Variants in MC2R observed in about 807,000 individuals in gnomAD.
MC2R encodes melanocortin 2 receptor, also known as adrenocorticotropic hormone receptor.
MC2R carries 9 observed loss-of-function variants against 9.8 expected under a neutral mutation model. The ratio of observed to expected loss-of-function variants is 0.92; its 90% CI spans 0.55 to 1.60. The LOEUF is 1.60. Ranked by LOEUF, MC2R falls within the 40% of genes most tolerant of loss-of-function variation. The pLI, the probability that MC2R is intolerant of heterozygous loss-of-function variation, is 0.00. For synonymous variants in MC2R, 185 were observed against 154.7 expected (o/e 1.20, Z -1.45); for missense variants, 370 against 389.0 (o/e 0.95, Z 0.41).
At chr18:13,903,956 C>A (rs1010523742) in intron 1 of MC2R, among the ~76,000 whole-genome samples, 4 of 151,108 alleles carry the variant, frequency 2.6e-5, no homozygotes, top group Non-Finnish European at 4.4e-5. Context: ...ATGATAACAT[C>A]CTTAAAAGAG....
In MC2R at chr18:13,884,699, A is replaced by C. The variant is rs1282448172; in HGVS notation, c.820T>G (p.Phe274Val). The change falls in exon 2 of 2, where the codon TTC becomes GTC. Residue 274 changes from phenylalanine (F) to valine (V), a missense_variant. Transcript: ENST00000327606. ...TCTGGGCTCCGGAAGGCATATATGA[A>C]GGGGTCAATGACGGCATTGCACATG... ...LIMCNAVIDPFIYAFRSPELR... is the reference protein window; with the variant it reads ...LIMCNAVIDPVIYAFRSPELR... 1 of 1,614,040 alleles carries C rather than the reference A, an allele frequency of 6.2e-7. No homozygotes were observed. Among genetic ancestry groups the C allele is most frequent in the African/African-American group, 1.3e-5 (1 of 74,910 alleles).
chr18:13,906,825 G>C (rs1238964779), intron 1 of MC2R, among the ~76,000 whole-genome samples: 1 of 152,176 alleles, frequency 6.6e-6, no homozygotes, highest in Non-Finnish European at 1.5e-5. Flanking sequence ...AACCAAAGAA[G>C]TGAAAGATCT....
At chr18:13,889,538 A>G (rs943294976) in intron 1 of MC2R, among the ~76,000 whole-genome samples, 1 of 152,284 alleles carries the variant, frequency 6.6e-6, no homozygotes, top group South Asian at 2.1e-4. Context: ...CGCACAAATC[A>G]TCGAGTTAAC....
rs57512236 is a variant in MC2R at position 13,908,706 on chromosome 18, T to TTGTGTGTG, written c.-129+6774_-129+6781dup. 1.0e-3 allele frequency among the ~76,000 whole-genome samples: 146 copies of TTGTGTGTG among 142,670 alleles called. No homozygotes were observed. The Middle Eastern group carries it at 0.017, about 17-fold the overall frequency. 93.6% of individuals were successfully genotyped at this position (142,670 alleles called of 152,430 possible). ...TGCAGTTCAACGGTGCAGGAGCTTCTTGTGTGTGTGTGTGTGTGTGTGTGT... is the reference window on the plus strand; with the variant it reads ...TGCAGTTCAACGGTGCAGGAGCTTCTTGTGTGTGTGTGTGTGTGTGTGTGTGTGTGTGT... On this transcript the variant is annotated intron_variant, in intron 1 of 1. Transcript: ENST00000327606.
intron 1 of MC2R, among the ~76,000 whole-genome samples, chr18:13,887,745 T>C (rs1045463160): frequency 6.6e-6 from 1 of 152,186 alleles, no homozygotes; most frequent in African/African-American, 2.4e-5. Flanking sequence ...GACACTGGTC[T>C]CTTCCTGCCT....
chr18:13,897,310 G>A (rs577442828), intron 1 of MC2R, among the ~76,000 whole-genome samples: 1 of 152,326 alleles, frequency 6.6e-6, no homozygotes, highest in Non-Finnish European at 1.5e-5. Flanking sequence ...CACGGAGCAA[G>A]TCTTTAGACC....
Position 13,885,204 on chromosome 18 carries a change from G to T in MC2R, c.315C>A (p.Ile105=), listed in dbSNP as rs751997978. The T allele has an allele frequency of 6.2e-6, 10 of 1,614,184 alleles. No homozygotes were observed. The highest frequency in any genetic ancestry group is 7.6e-6 in the Non-Finnish European group (9 of 1,180,020). Residue 105 remains isoleucine, a synonymous_variant, in exon 2 of 2, where the codon ATC becomes ATA. Coordinates refer to ENST00000327606, the MANE Select transcript of MC2R (RefSeq NM_000529.2). ...GGGAGAGGACAAACAGGGAGTCGAT[G>T]ATGTCATCGGCTGTGGTTTCAAAAC... ...RGSFETTADD[I]IDSLFVLSLL...
chr18:13,884,619 G>A lies in MC2R; in HGVS notation c.*6C>T. The A allele has an allele frequency of 6.2e-7, 1 of 1,611,570 alleles. No homozygotes were observed. The highest frequency in any genetic ancestry group is 1.1e-5 in the South Asian group (1 of 91,012). On this transcript the variant is annotated 3_prime_UTR_variant, in exon 2 of 2. Coordinates refer to ENST00000327606, the MANE Select transcript of MC2R (RefSeq NM_000529.2). ...CCATGGATTCTAAAACCAGGGATCAGCCATTCTACCAGTACCTGCTGCAGA... is the reference window on the plus strand; with the variant it reads ...CCATGGATTCTAAAACCAGGGATCAACCATTCTACCAGTACCTGCTGCAGA...
At chr18:13,888,180 C>G (rs969293299) in intron 1 of MC2R, among the ~76,000 whole-genome samples, 1 of 152,054 alleles carries the variant, frequency 6.6e-6, no homozygotes, top group Non-Finnish European at 1.5e-5. Context: ...GGGAGCCCAG[C>G]TTCAGTTGCT....
chr18:13,885,791 C>T (rs34092603), intron 1 of MC2R, 145 bp from the exon 2 acceptor site: 3 of 462,142 alleles, frequency 6.5e-6, no homozygotes, highest in East Asian at 4.1e-5. Context: ...ATGTTTATTG[C>T]AGCACTAGTG....
chr18:13,885,069 C>G lies in MC2R; in HGVS notation c.450G>C (p.Val150=), dbSNP rs2045266418. Reference sequence around the variant, plus strand: ...TGCAGAACGTCCAGATGACCGTAAGCACCACCACAGTGCGGCGCATGGTCA... The same window carrying G: ...TGCAGAACGTCCAGATGACCGTAAGGACCACCACAGTGCGGCGCATGGTCA... ...SIVTMRRTVV[V]LTVIWTFCTG... Residue 150 remains valine (V), a synonymous_variant, in exon 2 of 2, where the codon GTG becomes GTC. Transcript: ENST00000327606. 1 of 1,614,048 alleles carries G rather than the reference C, an allele frequency of 6.2e-7. No homozygotes were observed. The highest frequency in any genetic ancestry group is 8.5e-7 in the Non-Finnish European group (1 of 1,180,040).
intron 1 of MC2R, among the ~76,000 whole-genome samples, chr18:13,894,175 T>A (rs911105145): frequency 4.6e-5 from 7 of 151,828 alleles, no homozygotes; most frequent in African/African-American, 1.5e-4. Context: ...CATGTGTGTG[T>A]GAGAGAGAGA....
chr18:13,904,034 C>T (rs1265964367), intron 1 of MC2R, among the ~76,000 whole-genome samples: 1 of 150,924 alleles, frequency 6.6e-6, no homozygotes, highest in Non-Finnish European at 1.5e-5. Flanking sequence ...TATTTTGAGT[C>T]ACCCTGTTTC....
chr18:13,907,107 C>T (rs1042497554), intron 1 of MC2R, among the ~76,000 whole-genome samples: 4 of 152,194 alleles, frequency 2.6e-5, no homozygotes, highest in Admixed American at 2.6e-4. Flanking sequence ...AATCACAGTA[C>T]CTGACTTCCA....
In MC2R at chr18:13,885,595, T is replaced by C; in HGVS notation, c.-77A>G. On this transcript the variant is annotated 5_prime_UTR_variant, in exon 2 of 2. Transcript: ENST00000327606. ...AAAACTTGATTGATTCTTCAGGATC[T>C]TTTCTTCCTTGTAGCACTTGCTGGA... 11 of 1,510,910 alleles carry C rather than the reference T, an allele frequency of 7.3e-6. No individual in the cohort carries two copies. The highest frequency in any genetic ancestry group is 3.5e-5 in the South Asian group (3 of 86,614). The allele number at this position is 1,510,910 out of a possible 1,614,324, so 93.6% of individuals were successfully genotyped here.
intron 1 of MC2R, among the ~76,000 whole-genome samples, chr18:13,890,655 A>T (rs1217094042): frequency 6.6e-6 from 1 of 151,906 alleles, no homozygotes; most frequent in Non-Finnish European, 1.5e-5. Context: ...TAAGATTTTT[A>T]TGTCACTCGT....
intron 1 of MC2R, among the ~76,000 whole-genome samples, chr18:13,894,159 T>TGC (rs144526939): frequency 6.7e-6 from 1 of 148,270 alleles, no homozygotes; most frequent in Middle Eastern, 3.5e-3. Context: ...TGTGTGTGTG[T>TGC]GCGTGCATGT....
At chr18:13,911,630 G>A (rs919883215) in intron 1 of MC2R, among the ~76,000 whole-genome samples, 2 of 152,142 alleles carry the variant, frequency 1.3e-5, no homozygotes, top group South Asian at 2.1e-4. Flanking sequence ...TGAGTGCAGC[G>A]GGTAGCTTTG....
At chr18:13,897,659 G>T (rs996448209) in intron 1 of MC2R, among the ~76,000 whole-genome samples, 11 of 152,046 alleles carry the variant, frequency 7.2e-5, no homozygotes, top group African/African-American at 2.7e-4. Context: ...GGAGGACTTT[G>T]TCTTGCATCT....
Sources: allele counts gnomAD v4.1 joint callset (sites outside exome capture counted in the v4.1 genomes callset), GRCh38; gene constraint gnomAD v4.1.1; transcripts MANE v1.5; gene names NCBI Gene and HGNC (gene_info 2026-07-23, HGNC 2026-07-21).